Variants in KAZN observed in about 807,000 individuals in gnomAD.
The protein encoded by KAZN is kazrin.
Under a neutral mutation model 87.4 loss-of-function variants are expected in KAZN, and 40 were observed. The observed-to-expected ratio is 0.46, with a 90% CI of 0.36 to 0.60. The LOEUF (loss-of-function observed/expected upper bound fraction) is 0.60, where lower values mean the gene tolerates loss of function less well. Among genes scored for constraint, KAZN ranks in the 20% least tolerant of loss-of-function variants. The pLI is 0.00. For synonymous variants in KAZN, 466 were observed against 458.3 expected, an observed-to-expected ratio of 1.02 and a Z score of -0.22; for missense variants, 898 against 1,073.9, an observed-to-expected ratio of 0.84 and a Z score of 2.29.
intron 1 of KAZN, among the ~76,000 whole-genome samples, chr1:13,963,301 G>T (rs1470227366): frequency 1.3e-5 from 2 of 152,114 alleles, no homozygotes; most frequent in Admixed American, 1.3e-4. Context: ...CAGGTTAAGG[G>T]AAAGTATGAA....
chr1:14,340,895 T>TTTTTTTTTTTTC (rs1657655027), intron 2 of KAZN, among the ~76,000 whole-genome samples: 1 of 138,344 alleles, frequency 7.2e-6, no homozygotes, highest in African/African-American at 2.8e-5. Context: ...TCCCTTTTTT[T>TTTTTTTTTTTTC]TTTTTTTTTT....
At chr1:14,405,606 A>ATTGTG (rs760881462) in intron 2 of KAZN, among the ~76,000 whole-genome samples, 2 of 136,220 alleles carry the variant, frequency 1.5e-5, no homozygotes, top group Non-Finnish European at 3.2e-5. Context: ...ACCCAATAAA[A>ATTGTG]TGTGTGTGTG....
At chr1:14,305,665 T>G (rs1199999972) in intron 2 of KAZN, among the ~76,000 whole-genome samples, 1 of 151,522 alleles carries the variant, frequency 6.6e-6, no homozygotes, top group Non-Finnish European at 1.5e-5. Context: ...CCCTTTTTTT[T>G]TTGTTTTCTT....
At position 14,512,047 on chromosome 1, in the gene KAZN, C is replaced by T. The variant is rs186961663; in HGVS notation, c.250-86936C>T. ...TGGAGAAAATGTGGAGGGCACGCTG[C>T]TGTTTTCCCTACTGGCACAAATGCA... On this transcript the variant is annotated intron_variant, in intron 2 of 16. Coordinates refer to the KAZN transcript ENST00000636203. Among the ~76,000 whole-genome samples, 744 of 152,206 alleles carry T rather than the reference C, an allele frequency of 4.9e-3. 10 individuals are homozygous for T. Among genetic ancestry groups the T allele is most frequent in the African/African-American group, 0.016 (676 of 41,510 alleles).
intron 2 of KAZN, among the ~76,000 whole-genome samples, chr1:14,522,015 T>C (rs1218905513): frequency 6.6e-6 from 1 of 152,204 alleles, no homozygotes; most frequent in Non-Finnish European, 1.5e-5. Context: ...TTAGGGAATG[T>C]ACATTGAGCT....
At chr1:14,877,906 T>C (rs1652944426) in intron 1 of KAZN, among the ~76,000 whole-genome samples, 1 of 152,198 alleles carries the variant, frequency 6.6e-6, no homozygotes, top group Non-Finnish European at 1.5e-5. Flanking sequence ...TATACCAGGC[T>C]GGCTCCCAGT....
chr1:14,433,242 C>T (rs1666184881), intron 2 of KAZN, among the ~76,000 whole-genome samples: 1 of 152,180 alleles, frequency 6.6e-6, no homozygotes, highest in Non-Finnish European at 1.5e-5. Context: ...CATGCCCTTT[C>T]CAGCCAGCAC....
chr1:14,792,670 C>T (rs188470856), intron 1 of KAZN, among the ~76,000 whole-genome samples: 23 of 152,226 alleles, frequency 1.5e-4, no homozygotes, highest in Admixed American at 1.2e-3. Context: ...AGGAGGAAAG[C>T]AGCGTGCATT....
chr1:15,111,283 G>GTTGTTGTTGTTC (rs1641610683), intron 13 of KAZN, among the ~76,000 whole-genome samples: 1 of 152,016 alleles, frequency 6.6e-6, no homozygotes, highest in Non-Finnish European at 1.5e-5. Context: ...TGTTGTTGTT[G>GTTGTTGTTGTTC]TTGTTGTTGT....
In KAZN at chr1:15,094,962, A is replaced by G. The variant is rs1640740437; in HGVS notation, c.1547+29A>G. 8 of 1,495,972 alleles carry G rather than the reference A, an allele frequency of 5.3e-6. No homozygotes were observed. Among genetic ancestry groups the G allele is most frequent in the African/African-American group, 1.4e-5 (1 of 71,812 alleles). The allele number at this position is 1,495,972 out of a possible 1,614,324, so 92.7% of individuals were successfully genotyped here. A position where few individuals can be genotyped will look rare whatever the true frequency, so the allele number is the denominator to read the frequency against. On this transcript the variant is annotated intron_variant, in intron 10 of 14. Coordinates refer to ENST00000376030, the MANE Select transcript of KAZN (RefSeq NM_201628.3). This position sits in a 1 kb window ranked among gnomAD's most constrained non-coding sequence, Gnocchi z 4.5. ...AGCCCACCACGAGGGGCCCCGGGGG[A>G]GGAGAGAAAAAGTCATCCTGAGGCC... is the stretch of plus-strand genomic sequence containing the variant.
At chr1:15,087,389 G>GCATAAAA (rs1455858394) in intron 8 of KAZN, among the ~76,000 whole-genome samples, 2 of 147,860 alleles carry the variant, frequency 1.4e-5, no homozygotes, top group African/African-American at 2.5e-5. Flanking sequence ...TATGCTTAAA[G>GCATAAAA]CACTTTTTTC....
chr1:14,975,108 C>T (rs553787303), intron 2 of KAZN, among the ~76,000 whole-genome samples: 8 of 152,308 alleles, frequency 5.3e-5, no homozygotes, highest in African/African-American at 1.9e-4. Flanking sequence ...AGAGGGGACC[C>T]GGCCCCAGAT....
chr1:14,423,188 AG>A (rs1223893804), intron 2 of KAZN, among the ~76,000 whole-genome samples: 1 of 152,170 alleles, frequency 6.6e-6, no homozygotes, highest in Non-Finnish European at 1.5e-5. Context: ...CTTGATGACA[AG>A]GCTCTGGACT....
At chr1:14,434,530 T>G (rs1666266276) in intron 2 of KAZN, among the ~76,000 whole-genome samples, 1 of 152,234 alleles carries the variant, frequency 6.6e-6, no homozygotes, top group Non-Finnish European at 1.5e-5. Context: ...CCAGTTCTTA[T>G]GCTGTGGAGT....
intron 8 of KAZN, among the ~76,000 whole-genome samples, chr1:15,073,085 C>T (rs923984302): frequency 6.6e-6 from 1 of 152,238 alleles, no homozygotes; most frequent in Non-Finnish European, 1.5e-5. Context: ...CTCCAGCCTA[C>T]CCTCAGCCAG....
intron 2 of KAZN, among the ~76,000 whole-genome samples, chr1:14,986,838 TCAC>T (rs1666870882): frequency 6.6e-6 from 1 of 152,166 alleles, no homozygotes; most frequent in African/African-American, 2.4e-5. Context: ...GTGCCTGCCC[TCAC>T]CCACATAATC....
chr1:14,945,794 A>G, intron 1 of KAZN: 3 of 815,678 alleles, frequency 3.7e-6, no homozygotes, highest in Non-Finnish European at 4.4e-6. Context: ...TTCAAGCTCC[A>G]CGGCCTCGAG....
At chr1:14,714,705 T>C (rs947327293) in intron 1 of KAZN, among the ~76,000 whole-genome samples, 42 of 152,034 alleles carry the variant, frequency 2.8e-4, no homozygotes, top group African/African-American at 1.0e-3. Flanking sequence ...GTGCTCTTCC[T>C]GTGAGGAAGA....
intron 1 of KAZN, among the ~76,000 whole-genome samples, chr1:14,024,195 G>T (rs1490562938): frequency 6.6e-6 from 1 of 152,170 alleles, no homozygotes; most frequent in East Asian, 1.9e-4. Context: ...ATTCAATACA[G>T]CCTTGTTTAT....
Sources: allele counts gnomAD v4.1 joint callset (sites outside exome capture counted in the v4.1 genomes callset), GRCh38; gene constraint gnomAD v4.1.1; non-coding constraint Gnocchi (gnomAD v3.1); transcripts MANE v1.5; gene names NCBI Gene and HGNC (gene_info 2026-07-23, HGNC 2026-07-21).